The following HIBADH variants were observed in gnomAD, a reference collection of about 807,000 sequenced individuals.
HIBADH encodes the protein 3-hydroxyisobutyrate dehydrogenase.
A neutral mutation model predicts 36.1 loss-of-function variants in HIBADH; 25 were observed. That is an observed-to-expected ratio of 0.69 (90% CI 0.50 to 0.97). The LOEUF (loss-of-function observed/expected upper bound fraction) is 0.97, where lower values mean the gene tolerates loss of function less well. HIBADH is among the 50% of genes least tolerant of loss of function. The pLI is 0.00. For missense variants in HIBADH, 421 were observed against 418.0 expected, an observed-to-expected ratio of 1.01 and a Z score of -0.06; for synonymous variants, 160 against 149.5, an observed-to-expected ratio of 1.07 and a Z score of -0.51.
At chr7:27,661,139 A>G (rs1417800696) in intron 1 of HIBADH, among the ~76,000 whole-genome samples, 1 of 152,202 alleles carries the variant, frequency 6.6e-6, no homozygotes, top group African/African-American at 2.4e-5. Flanking sequence ...CAGTGGTTAC[A>G]TTCAAGTTTG....
intron 4 of HIBADH, among the ~76,000 whole-genome samples, chr7:27,571,720 A>G (rs1784631710): frequency 6.6e-6 from 1 of 152,038 alleles, no homozygotes; most frequent in Non-Finnish European, 1.5e-5. Flanking sequence ...GAGTTCTAAG[A>G]TTCCTGGATT....
intron 2 of HIBADH, among the ~76,000 whole-genome samples, chr7:27,632,881 C>T (rs1366631202): frequency 6.6e-6 from 1 of 151,952 alleles, no homozygotes; most frequent in Admixed American, 6.6e-5. Context: ...GCAAAATCCC[C>T]TAACAAAATC....
chr7:27,604,015 T>TCGC (rs966033702), intron 4 of HIBADH, among the ~76,000 whole-genome samples: 16 of 152,134 alleles, frequency 1.1e-4, no homozygotes, highest in African/African-American at 3.6e-4. Context: ...TTTCAGTACA[T>TCGC]CGCCCCTCCT....
chr7:27,639,890 C>G (rs1413881081), intron 2 of HIBADH, among the ~76,000 whole-genome samples: 1 of 152,112 alleles, frequency 6.6e-6, no homozygotes, highest in Non-Finnish European at 1.5e-5. Flanking sequence ...TTAAACTTAT[C>G]AAAGTTTTTA....
chr7:27,636,542 A>C (rs1464195927), intron 2 of HIBADH, among the ~76,000 whole-genome samples: 1 of 152,238 alleles, frequency 6.6e-6, no homozygotes, highest in Non-Finnish European at 1.5e-5. Context: ...GCCAGATTAG[A>C]TCCCAAGAGA....
At chr7:27,646,827 CTGAAACCACAGACA>C (rs1786081683) in intron 2 of HIBADH, among the ~76,000 whole-genome samples, 1 of 151,022 alleles carries the variant, frequency 6.6e-6, no homozygotes, top group South Asian at 2.1e-4. Flanking sequence ...TCCCAAGTAG[CTGAAACCACAGACA>C]CACGCCACCG....
chr7:27,646,310 T>C (rs1160621721), intron 2 of HIBADH, among the ~76,000 whole-genome samples: 1 of 152,168 alleles, frequency 6.6e-6, no homozygotes. Flanking sequence ...AGATGTCACA[T>C]ACACACACTC....
intron 4 of HIBADH, among the ~76,000 whole-genome samples, chr7:27,557,289 A>G (rs934802954): frequency 2.6e-5 from 4 of 152,042 alleles, no homozygotes; most frequent in African/African-American, 7.2e-5. Flanking sequence ...TTCCAAGCAG[A>G]TAAGTGGTGT....
chr7:27,653,926 CA>C (rs1266336631), intron 1 of HIBADH, among the ~76,000 whole-genome samples: 3 of 152,018 alleles, frequency 2.0e-5, no homozygotes, highest in Non-Finnish European at 4.4e-5. Context: ...CGTGTATACT[CA>C]AAAGTCAAAA....
chr7:27,644,426 C>T (rs945427069), intron 2 of HIBADH, among the ~76,000 whole-genome samples: 15 of 151,942 alleles, frequency 9.9e-5, no homozygotes, highest in African/African-American at 3.4e-4. Context: ...ATGGTGAAAC[C>T]CCATCTCTAC....
intron 4 of HIBADH, among the ~76,000 whole-genome samples, chr7:27,578,225 A>T (rs1360676100): frequency 6.6e-6 from 1 of 152,222 alleles, no homozygotes; most frequent in Non-Finnish European, 1.5e-5. Flanking sequence ...ACATTATTTT[A>T]TAAGTTCAAT....
chr7:27,645,987 T>C (rs984016978), intron 2 of HIBADH, among the ~76,000 whole-genome samples: 1 of 152,196 alleles, frequency 6.6e-6, no homozygotes, highest in Admixed American at 6.5e-5. Flanking sequence ...ATCATTTTGT[T>C]GCTCATGCTC....
chr7:27,585,156 T>C (rs1562631423), intron 4 of HIBADH, among the ~76,000 whole-genome samples: 1 of 152,026 alleles, frequency 6.6e-6, no homozygotes, highest in African/African-American at 2.4e-5. Flanking sequence ...GTGTGCATGT[T>C]TTTTATATAT....
chr7:27,620,511 A>C (rs529524610), intron 4 of HIBADH, among the ~76,000 whole-genome samples: 45 of 147,768 alleles, frequency 3.0e-4, no homozygotes, highest in Admixed American at 2.6e-3. Flanking sequence ...AAAACAAAAC[A>C]AAAAAAAAAC....
intron 4 of HIBADH, among the ~76,000 whole-genome samples, chr7:27,610,508 T>C (rs7794292): frequency 0.48 from 72,465 of 152,074 alleles, 18,562 homozygotes; most frequent in East Asian, 0.94. Context: ...CCAGAACTTA[T>C]TCATTGTGTG....
chr7:27,531,436 T>G (rs1457744074), intron 6 of HIBADH, 88 bp from the exon 7 acceptor site: 29 of 1,163,172 alleles, frequency 2.5e-5, no homozygotes, highest in Non-Finnish European at 3.2e-5. Context: ...CTCCATCTTC[T>G]CTCTCCATTT....
intron 4 of HIBADH, among the ~76,000 whole-genome samples, chr7:27,554,048 C>T (rs1235746147): frequency 2.0e-5 from 3 of 152,040 alleles, no homozygotes; most frequent in African/African-American, 2.4e-5. Flanking sequence ...TACAGTGGTG[C>T]GATCCCAGCT....
At chr7:27,597,511 G>A (rs1402860579) in intron 4 of HIBADH, among the ~76,000 whole-genome samples, 1 of 151,168 alleles carries the variant, frequency 6.6e-6, no homozygotes, top group Non-Finnish European at 1.5e-5. Context: ...TTAGAATAAT[G>A]TGCTGGGTAC....
At chr7:27,614,995 G>A (rs541142589) in intron 4 of HIBADH, among the ~76,000 whole-genome samples, 3 of 152,198 alleles carry the variant, frequency 2.0e-5, no homozygotes, top group Admixed American at 6.5e-5. Flanking sequence ...GATTCTTCTC[G>A]TGTGAATCTA....
Sources: gnomAD v4.1 joint callset for allele counts (sites outside exome capture counted in the v4.1 genomes callset) on GRCh38, gnomAD v4.1.1 for gene constraint, MANE v1.5 for transcripts, NCBI Gene and HGNC (gene_info 2026-07-23, HGNC 2026-07-21) for gene names.